The following ARID3A variants were observed in gnomAD, a reference collection of about 807,000 sequenced individuals.
The protein encoded by ARID3A is AT-rich interactive domain-containing protein 3A.
ARID3A carries 11 observed loss-of-function variants against 52.7 expected under a neutral mutation model. The ratio of observed to expected loss-of-function variants is 0.21; its 90% CI spans 0.13 to 0.35. The LOEUF is 0.35. Among genes scored for constraint, ARID3A ranks in the 10% least tolerant of loss-of-function variants. The pLI, the probability that ARID3A is intolerant of heterozygous loss-of-function variation, is 1.00. For missense variants in ARID3A, 721 were observed against 838.5 expected (o/e 0.86, Z 1.73); for synonymous variants, 404 against 359.4 (o/e 1.12, Z -1.40).
At chr19:934,834 C>A (rs1246026893) in intron 3 of ARID3A, among the ~76,000 whole-genome samples, 1 of 152,174 alleles carries the variant, frequency 6.6e-6, no homozygotes, top group Non-Finnish European at 1.5e-5. Flanking sequence ...TCTCAAACTC[C>A]TGGGCTCAAG....
At chr19:953,475 AC>A (rs3837991) in intron 3 of ARID3A, among the ~76,000 whole-genome samples, 3,226 of 128,440 alleles carry the variant, frequency 0.025, 34 homozygotes, top group South Asian at 0.044. Flanking sequence ...GGCCTCCCAC[AC>A]CCCCCCCCGT....
At chr19:954,558 C>G (rs1005051901) in intron 3 of ARID3A, among the ~76,000 whole-genome samples, 1 of 152,206 alleles carries the variant, frequency 6.6e-6, no homozygotes, top group Non-Finnish European at 1.5e-5. Context: ...GGCAGACAGA[C>G]GAGAGACAAA....
At chr19:934,807 G>A (rs118105105) in intron 3 of ARID3A, among the ~76,000 whole-genome samples, 3,116 of 152,196 alleles carry the variant, frequency 0.02, 188 homozygotes, top group East Asian at 0.19. Flanking sequence ...GGGCTTTCAC[G>A]GTGTTGCCCA....
In ARID3A at chr19:947,763, G is replaced by A. The variant is rs1436121251; in HGVS notation, c.694-12329G>A. On this transcript the variant is annotated intron_variant, in intron 3 of 8. Coordinates refer to ENST00000263620, the MANE Select transcript of ARID3A (RefSeq NM_005224.3). The surrounding 1 kb of genome is among the most constrained non-coding windows in gnomAD (Gnocchi z 6.3). ...TTATTAATATCCGCCCCGTGGGTGC[G>A]GCGCTGTGTATTTCCAGAGAGGGGA... Among the ~76,000 whole-genome samples the A allele has an allele frequency of 5.9e-5, 9 of 152,338 alleles. No individual in the cohort carries two copies. The highest frequency in any genetic ancestry group is 1.9e-4 in the East Asian group (1 of 5,190).
At chr19:926,143 G>C (rs1208653394) in intron 1 of ARID3A, 84 bp downstream of exon 1, 2 of 150,686 alleles carry the variant, frequency 1.3e-5, no homozygotes, top group Admixed American at 1.3e-4. Flanking sequence ...AGGCGGGCCC[G>C]GGCAGGCCGA....
chr19:928,633 C>G (rs907499328), intron 1 of ARID3A: 4 of 152,256 alleles, frequency 2.6e-5, no homozygotes, highest in African/African-American at 9.7e-5. Context: ...GCCCCCTTCT[C>G]TGACACCTGT....
intron 3 of ARID3A, among the ~76,000 whole-genome samples, chr19:936,603 G>A (rs1379523981): frequency 6.6e-6 from 1 of 152,186 alleles, no homozygotes. Flanking sequence ...AGCACTTTGG[G>A]AGGCCGGGGC....
Position 947,654 on chromosome 19 carries a change from A to C in ARID3A, c.694-12438A>C, listed in dbSNP as rs1437896325. ...TCTGGCGTCAGCAAGCTCCCCCGGA[A>C]TCTCGTGATCTGGAAATCCACAGAG... On this transcript the variant is annotated intron_variant, in intron 3 of 8. Coordinates refer to ENST00000263620, the MANE Select transcript of ARID3A (RefSeq NM_005224.3). The surrounding 1 kb of genome is among the most constrained non-coding windows in gnomAD (Gnocchi z 6.3). 6.6e-6 allele frequency among the ~76,000 whole-genome samples: 1 copy of C among 152,170 alleles called. No individual in the cohort carries two copies. The highest frequency in any genetic ancestry group is 1.5e-5 in the Non-Finnish European group (1 of 68,036).
Position 960,054 on chromosome 19 carries a change from C to T in ARID3A, c.694-38C>T, listed in dbSNP as rs2038006364. On this transcript the variant is annotated intron_variant, in intron 3 of 8. Coordinates refer to ENST00000263620, the MANE Select transcript of ARID3A (RefSeq NM_005224.3). The surrounding 1 kb of genome is among the most constrained non-coding windows in gnomAD (Gnocchi z 4.3). ...GGGACATGGTTCCCACACCTGAGCT[C>T]TGGCACCAACTAACCCATCCCCTCT... 1.9e-6 allele frequency: 3 copies of T among 1,582,454 alleles called. No individual in the cohort carries two copies. The highest frequency in any genetic ancestry group is 2.6e-6 in the Non-Finnish European group (3 of 1,154,954).
chr19:960,307 T>C lies in ARID3A; in HGVS notation c.766+143T>C. 1 of 676,282 alleles carries C rather than the reference T, an allele frequency of 1.5e-6. No individual in the cohort carries two copies. The highest frequency in any genetic ancestry group is 2.4e-6 in the Non-Finnish European group (1 of 416,912). The allele number at this position is 676,282 out of a possible 1,614,324, so 41.9% of individuals were successfully genotyped here. On this transcript the variant is annotated intron_variant, in intron 4 of 8. Coordinates refer to ENST00000263620, the MANE Select transcript of ARID3A (RefSeq NM_005224.3). The surrounding 1 kb of genome is among the most constrained non-coding windows in gnomAD (Gnocchi z 4.3). ...CAAGGCTCCTAAATCGGGAGGGACT[T>C]CAGGGGTGTCTTGGGGGGAAACACA...
intron 6 of ARID3A, 103 bp downstream of exon 6, chr19:965,183 A>G: frequency 1.5e-6 from 2 of 1,345,734 alleles, no homozygotes; most frequent in South Asian, 1.5e-5. Flanking sequence ...ACCAGGATGA[A>G]AAACCCTATA....
intron 4 of ARID3A, among the ~76,000 whole-genome samples, chr19:963,212 A>AGGGCGAT (rs2038079931): frequency 6.6e-6 from 1 of 152,150 alleles, no homozygotes. Context: ...CATCCCTAAC[A>AGGGCGAT]GGGCGATGGG....
At chr19:968,358 CAAAAAAAA>C (rs372046352) in intron 7 of ARID3A, 39 bp from the exon 8 acceptor site, 2 of 1,090,752 alleles carry the variant, frequency 1.8e-6, no homozygotes, top group South Asian at 1.6e-5. Flanking sequence ...GACTCTGTCT[CAAAAAAAA>C]AAAGAAAAAA....
intron 3 of ARID3A, among the ~76,000 whole-genome samples, chr19:937,635 C>G (rs1209506627): frequency 6.6e-6 from 1 of 151,832 alleles, no homozygotes; most frequent in Non-Finnish European, 1.5e-5. Context: ...GCCCACGTTA[C>G]CTTCCCACCA....
chr19:943,742 A>T (rs1243027685), intron 3 of ARID3A, among the ~76,000 whole-genome samples: 1 of 152,200 alleles, frequency 6.6e-6, no homozygotes, highest in African/African-American at 2.4e-5. Context: ...TGACACGCTG[A>T]TGTCAGACTT....
chr19:967,166 G>A (rs2145463308), intron 7 of ARID3A, among the ~76,000 whole-genome samples: 1 of 152,294 alleles, frequency 6.6e-6, no homozygotes, highest in Middle Eastern at 3.4e-3. Flanking sequence ...GGCTGAGGCA[G>A]GAGAATCACA....
rs150857176 is a variant in ARID3A, at chr19:966,612, G to T, written c.1239G>T (p.Leu413=). ...SAIPITVPGR[L]PVSLAGHPVV... ...TCCCCATCACAGTCCCTGGCCGCCT[G>T]CCTGTGTCCCTGGCGGGCCACCCTG... Residue 413 remains leucine (L), a synonymous_variant, in exon 7 of 9, where the codon CTG becomes CTT. Coordinates refer to ENST00000263620, the MANE Select transcript of ARID3A (RefSeq NM_005224.3). 408 of 1,589,150 alleles carry T rather than the reference G, an allele frequency of 2.6e-4. No individual in the cohort carries two copies. Among genetic ancestry groups the T allele is most frequent in the Non-Finnish European group, 3.1e-4 (364 of 1,163,492 alleles).
intron 1 of ARID3A, among the ~76,000 whole-genome samples, chr19:926,482 T>TGC (rs1491568994): frequency 1.2e-4 from 17 of 145,642 alleles, no homozygotes; most frequent in Admixed American, 7.4e-4. Context: ...AAATGGTCTC[T>TGC]GCGCGCGCGC....
intron 3 of ARID3A, among the ~76,000 whole-genome samples, chr19:954,690 G>C (rs2037877738): frequency 6.6e-6 from 1 of 152,154 alleles, no homozygotes; most frequent in South Asian, 2.1e-4. Context: ...CTGCGGAGGT[G>C]ATATCGGTCC....
Sources: gnomAD v4.1 joint callset for allele counts (sites outside exome capture counted in the v4.1 genomes callset) on GRCh38, gnomAD v4.1.1 for gene constraint, Gnocchi (gnomAD v3.1) non-coding constraint, MANE v1.5 for transcripts, NCBI Gene and HGNC (gene_info 2026-07-23, HGNC 2026-07-21) for gene names.